PDCD6: variants seen among roughly 807,000 people sequenced by gnomAD.
The protein encoded by PDCD6 is programmed cell death protein 6.
PDCD6 carries 12 observed loss-of-function variants against 28.3 expected under a neutral mutation model. The observed-to-expected ratio is 0.42, with a 90% confidence interval of 0.27 to 0.69. The LOEUF (loss-of-function observed/expected upper bound fraction) is 0.69. Among genes scored for constraint, PDCD6 ranks in the 30% least tolerant of loss-of-function variants. The probability of loss-of-function intolerance (pLI) is 0.22; values close to 1 mark genes in which losing one functional copy is unlikely to be tolerated. For missense variants in PDCD6, 226 were observed against 269.9 expected (o/e 0.84, Z 1.14); for synonymous variants, 92 against 108.0 (o/e 0.85, Z 0.92).
intron 2 of PDCD6, among the ~76,000 whole-genome samples, chr5:303,753 G>A (rs1217722047): frequency 6.7e-6 from 1 of 149,322 alleles, no homozygotes; most frequent in Non-Finnish European, 1.5e-5. Flanking sequence ...TGCAGGCAGT[G>A]GTGGCCTTGA....
chr5:290,286 A>G (rs1411164662), intron 2 of PDCD6: 2 of 1,427,000 alleles, frequency 1.4e-6, no homozygotes, highest in Non-Finnish European at 2.0e-6. Context: ...TCTTCTCAAA[A>G]TCTTTCAGCG....
chr5:300,354 G>A (rs1004248695), intron 2 of PDCD6, among the ~76,000 whole-genome samples: 3 of 152,216 alleles, frequency 2.0e-5, no homozygotes, highest in Non-Finnish European at 2.9e-5. Flanking sequence ...GGAGGAATCC[G>A]GCGCACCCTG....
At chr5:288,311 T>TATACATAC (rs34574011) in intron 2 of PDCD6, among the ~76,000 whole-genome samples, 2 of 144,964 alleles carry the variant, frequency 1.4e-5, no homozygotes, top group Non-Finnish European at 3.0e-5. Flanking sequence ...TATATATATA[T>TATACATAC]ACACATATGT....
chr5:285,038 C>T (rs897829999), intron 2 of PDCD6, among the ~76,000 whole-genome samples: 2 of 145,134 alleles, frequency 1.4e-5, no homozygotes, highest in African/African-American at 2.5e-5. Flanking sequence ...ACTGCAACAT[C>T]GGCTACCCCC....
At chr5:303,219 C>T (rs1740222602) in intron 2 of PDCD6, among the ~76,000 whole-genome samples, 1 of 151,432 alleles carries the variant, frequency 6.6e-6, no homozygotes, top group Non-Finnish European at 1.5e-5. Context: ...GCCCGTGCTC[C>T]ACCAGGAGCC....
intron 2 of PDCD6, among the ~76,000 whole-genome samples, chr5:296,731 C>T (rs1450342806): frequency 6.6e-6 from 1 of 152,210 alleles, no homozygotes; most frequent in African/African-American, 2.4e-5. Flanking sequence ...GAGGAGGACG[C>T]TCCCTTCGAG....
intron 2 of PDCD6, among the ~76,000 whole-genome samples, chr5:287,792 A>G (rs60974969): frequency 0.097 from 14,778 of 152,252 alleles, 798 homozygotes; most frequent in Admixed American, 0.14. Flanking sequence ...AAAGTAATAT[A>G]TTAATTCTTC....
In PDCD6 at chr5:311,242, A is replaced by C. The variant is rs751807620; in HGVS notation, c.368-51A>C. 4 of 1,400,892 alleles carry C rather than the reference A, an allele frequency of 2.9e-6. No homozygotes were observed. In the Admixed American group the frequency reaches 6.8e-5, roughly 24 times the overall value. The allele number at this position is 1,400,892 out of a possible 1,614,324, so 86.8% of individuals were successfully genotyped here. A position where few individuals can be genotyped will look rare whatever the true frequency, so the allele number is the denominator to read the frequency against. On this transcript the variant is annotated intron_variant, in intron 4 of 5. Coordinates refer to ENST00000264933, the MANE Select transcript of PDCD6 (RefSeq NM_013232.4). Reference sequence around the variant, plus strand: ...GGGCAGGAGGGGTGAGTGTTGGCACATACCTCCCGTCTCTCCCAGCCTTCT... The same window carrying C: ...GGGCAGGAGGGGTGAGTGTTGGCACCTACCTCCCGTCTCTCCCAGCCTTCT...
intron 5 of PDCD6, among the ~76,000 whole-genome samples, chr5:313,014 C>T (rs908431850): frequency 1.3e-5 from 2 of 152,208 alleles, no homozygotes; most frequent in African/African-American, 2.4e-5. Context: ...GGCCTCACAG[C>T]GACCTCTCCA....
At position 288,929 on chromosome 5, in the gene PDCD6, T is replaced by G. The variant is rs1166822275; in HGVS notation, c.164-15248T>G. On this transcript the variant is annotated intron_variant, in intron 2 of 5. Coordinates refer to ENST00000264933, the MANE Select transcript of PDCD6 (RefSeq NM_013232.4). ...TCTCTCCAGTTTTACTGGAATTAGATCCTACTAATTCTTCTGTTTCACGGC... is the reference window on the plus strand; with the variant it reads ...TCTCTCCAGTTTTACTGGAATTAGAGCCTACTAATTCTTCTGTTTCACGGC... 13 of 1,561,048 alleles carry G rather than the reference T, an allele frequency of 8.3e-6. No homozygotes were observed. The South Asian group carries it at 1.4e-4, about 16-fold the overall frequency.
At chr5:299,816 T>C (rs1191975901) in intron 2 of PDCD6, among the ~76,000 whole-genome samples, 2 of 152,198 alleles carry the variant, frequency 1.3e-5, no homozygotes, top group Non-Finnish European at 2.9e-5. Flanking sequence ...CCCAAAGTGC[T>C]GGGATTACAG....
At chr5:281,819 T>C (rs1738581656) in intron 2 of PDCD6, among the ~76,000 whole-genome samples, 2 of 152,150 alleles carry the variant, frequency 1.3e-5, no homozygotes, top group South Asian at 4.2e-4. Flanking sequence ...GCTGATGTTA[T>C]AGATTGAGCA....
rs1448709756 is a variant in PDCD6, at chr5:307,444, A to T, written c.367+684A>T. 6.6e-6 allele frequency among the ~76,000 whole-genome samples: 1 copy of T among 151,700 alleles called. No homozygotes were observed. Among genetic ancestry groups the T allele is most frequent in the African/African-American group, 2.4e-5 (1 of 41,286 alleles). ...GGTGCGCTCAGCGTGTGTGTGCTTG[A>T]CGCGTGTGCACACACACATGTGACG... On this transcript the variant is annotated intron_variant, in intron 4 of 5. Transcript: ENST00000264933. This position sits in a 1 kb window ranked among gnomAD's most constrained non-coding sequence, Gnocchi z 6.1.
intron 2 of PDCD6, among the ~76,000 whole-genome samples, chr5:280,682 T>A (rs1270365866): frequency 1.4e-3 from 92 of 67,588 alleles, no homozygotes; most frequent in Middle Eastern, 0.016. Flanking sequence ...AAGAGGGGAG[T>A]CCATAGACCA....
intron 2 of PDCD6, among the ~76,000 whole-genome samples, chr5:279,628 A>G (rs1333682876): frequency 5.9e-5 from 9 of 152,114 alleles, no homozygotes; most frequent in Admixed American, 5.2e-4. Flanking sequence ...GTCAGTTGGT[A>G]AATGATTATT....
chr5:279,643 A>G (rs4957010), intron 2 of PDCD6, among the ~76,000 whole-genome samples: 57,307 of 151,800 alleles, frequency 0.38, 12,523 homozygotes, highest in South Asian at 0.51. Flanking sequence ...ATTATTGACA[A>G]TGTGTGGGAA....
Position 314,967 on chromosome 5 carries a change from A to G in PDCD6, c.*452A>G, listed in dbSNP as rs1168308613. On this transcript the variant is annotated 3_prime_UTR_variant, in exon 6 of 6. Transcript: ENST00000264933. ...TGACGTAAGCAATAAAGGGAATGTT[A>G]GACGTGTGGTCTGCCTTCAGCTTTT... 1 of 290,798 alleles carries G rather than the reference A, an allele frequency of 3.4e-6. No homozygotes were observed. Among genetic ancestry groups the G allele is most frequent in the African/African-American group, 2.2e-5 (1 of 45,118 alleles). 18.0% of individuals were successfully genotyped at this position (290,798 alleles called of 1,614,324 possible).
Position 272,974 on chromosome 5 carries a change from C to G in PDCD6, c.163+202C>G, listed in dbSNP as rs181380731. The G allele has an allele frequency of 2.0e-3, 1,989 of 981,990 alleles. 31 individuals carry two copies. The Admixed American group carries it at 0.02, about 10-fold the overall frequency. 60.8% of individuals were successfully genotyped at this position (981,990 alleles called of 1,614,324 possible). A position where few individuals can be genotyped will look rare whatever the true frequency, so the allele number is the denominator to read the frequency against. ...TGCTTGGAGTGCCTCACCGAGCCAG[C>G]TAACAACTGCGTGCGTGAGCACAGG... On this transcript the variant is annotated intron_variant, in intron 2 of 5. Coordinates refer to ENST00000264933, the MANE Select transcript of PDCD6 (RefSeq NM_013232.4).
chr5:295,087 G>A (rs1251224421), intron 2 of PDCD6, among the ~76,000 whole-genome samples: 3 of 152,274 alleles, frequency 2.0e-5, no homozygotes, highest in Non-Finnish European at 2.9e-5. Flanking sequence ...GGGCTGCTGC[G>A]GCTGAGGGGC....
Sources: allele counts gnomAD v4.1 joint callset (sites outside exome capture counted in the v4.1 genomes callset), GRCh38; gene constraint gnomAD v4.1.1; non-coding constraint Gnocchi (gnomAD v3.1); transcripts MANE v1.5; gene names NCBI Gene and HGNC (gene_info 2026-07-23, HGNC 2026-07-21).